CADPS2: variants seen among roughly 807,000 people sequenced by gnomAD.
CADPS2 encodes calcium dependent secretion activator 2, also known as calcium-dependent secretion activator 2.
Under a neutral mutation model 172.5 loss-of-function variants are expected in CADPS2, and 93 were observed. The ratio of observed to expected loss-of-function variants is 0.54; its 90% CI spans 0.46 to 0.64. The LOEUF is 0.64. CADPS2 is among the 30% of genes least tolerant of loss of function. The pLI is 0.00. For missense variants in CADPS2, 1,420 were observed against 1,565.9 expected (o/e 0.91, Z 1.57); for synonymous variants, 546 against 555.2 (o/e 0.98, Z 0.23).
intron 2 of CADPS2, chr7:122,681,447 G>A (rs1204760370): frequency 1.5e-5 from 23 of 1,531,612 alleles, no homozygotes; most frequent in Non-Finnish European, 2.1e-5. Context: ...TCGAAACATA[G>A]TGGAGGCCGT....
chr7:122,661,315 G>A (rs965170189), intron 3 of CADPS2, among the ~76,000 whole-genome samples: 4 of 152,176 alleles, frequency 2.6e-5, no homozygotes, highest in Non-Finnish European at 5.9e-5. Flanking sequence ...GATCTGAATT[G>A]CAAGTAGGTT....
intron 1 of CADPS2, among the ~76,000 whole-genome samples, chr7:122,823,653 T>C (rs1804034934): frequency 6.6e-6 from 1 of 152,192 alleles, no homozygotes; most frequent in African/African-American, 2.4e-5. Context: ...TAATTAACTA[T>C]GAATGGAGAA....
chr7:122,503,659 G>GT (rs1586691477), intron 9 of CADPS2, among the ~76,000 whole-genome samples: 2 of 152,106 alleles, frequency 1.3e-5, no homozygotes, highest in African/African-American at 4.8e-5. Context: ...AGTTTCTTGT[G>GT]TATTTATAAC....
chr7:122,492,847 C>A (rs1415632713), intron 9 of CADPS2, among the ~76,000 whole-genome samples: 1 of 152,116 alleles, frequency 6.6e-6, no homozygotes, highest in Non-Finnish European at 1.5e-5. Flanking sequence ...ACAGGCACAT[C>A]TACCATGCCC....
intron 3 of CADPS2, among the ~76,000 whole-genome samples, chr7:122,657,461 G>C (rs929244274): frequency 6.6e-6 from 1 of 152,144 alleles, no homozygotes; most frequent in Non-Finnish European, 1.5e-5. Flanking sequence ...TCTTCCATTT[G>C]TTTGTGTCCT....
chr7:122,885,676 T>A (rs905236387), intron 1 of CADPS2, among the ~76,000 whole-genome samples: 2 of 152,130 alleles, frequency 1.3e-5, no homozygotes, highest in Admixed American at 1.3e-4. Context: ...TTAAAGTTGA[T>A]GGGAGTTGCA....
At chr7:122,328,277 CCATTTT>C (rs1479222014) in intron 28 of CADPS2, among the ~76,000 whole-genome samples, 1 of 152,056 alleles carries the variant, frequency 6.6e-6, no homozygotes, top group East Asian at 1.9e-4. Flanking sequence ...ATGGTAGGTC[CCATTTT>C]CTCACACTGA....
At chr7:122,762,289 G>A (rs191237085) in intron 1 of CADPS2, among the ~76,000 whole-genome samples, 1 of 152,044 alleles carries the variant, frequency 6.6e-6, no homozygotes, top group Admixed American at 6.6e-5. Flanking sequence ...AGATTCAGTG[G>A]AATTCCAGAA....
At chr7:122,679,686 G>A (rs375610541) in intron 2 of CADPS2, among the ~76,000 whole-genome samples, 2 of 152,012 alleles carry the variant, frequency 1.3e-5, no homozygotes, top group African/African-American at 2.4e-5. Flanking sequence ...GGAACCTGCC[G>A]ACATATTATG....
At chr7:122,394,768 G>A (rs1162863294) in intron 20 of CADPS2, among the ~76,000 whole-genome samples, 1 of 152,146 alleles carries the variant, frequency 6.6e-6, no homozygotes, top group Admixed American at 6.5e-5. Context: ...CTTAGTGGGT[G>A]TGATGGGAAG....
chr7:122,805,400 C>T (rs755796691), intron 1 of CADPS2, among the ~76,000 whole-genome samples: 3 of 152,224 alleles, frequency 2.0e-5, no homozygotes, highest in Non-Finnish European at 1.5e-5. Flanking sequence ...CCTAGTGATC[C>T]GCCTGCCTTG....
rs147459527 is a variant in CADPS2 at position 122,808,480 on chromosome 7, T to C, written c.340-71412A>G. Among the ~76,000 whole-genome samples, 1,140 of 152,330 alleles carry C rather than the reference T, an allele frequency of 7.5e-3. 3 individuals carry two copies. The highest frequency in any genetic ancestry group is 0.011 in the Non-Finnish European group (762 of 68,028). ...TTAATACACAAGATAACAGTTTCAT[T>C]ACCTTCTGCTGGAGTGATAAAACAT... On this transcript the variant is annotated intron_variant, in intron 1 of 29. Transcript: ENST00000449022.
intron 8 of CADPS2, among the ~76,000 whole-genome samples, chr7:122,518,053 C>A (rs1041943401): frequency 6.6e-5 from 10 of 151,772 alleles, no homozygotes; most frequent in African/African-American, 2.4e-4. Context: ...GAAAAATATA[C>A]AAAAGTTACA....
chr7:122,506,811 T>C (rs2059645650), intron 9 of CADPS2, among the ~76,000 whole-genome samples: 1 of 151,962 alleles, frequency 6.6e-6, no homozygotes. Flanking sequence ...CCAGATAGAT[T>C]GGACAGGAAT....
intron 1 of CADPS2, among the ~76,000 whole-genome samples, chr7:122,880,289 C>T (rs17611963): frequency 0.047 from 7,136 of 152,236 alleles, 284 homozygotes; most frequent in Non-Finnish European, 0.054. Flanking sequence ...GATTTATCTA[C>T]AGTTGTACAA....
chr7:122,629,275 C>T lies in CADPS2; in HGVS notation c.840G>A (p.Arg280=). The T allele has an allele frequency of 6.2e-7, 1 of 1,609,560 alleles. No individual in the cohort carries two copies. The highest frequency in any genetic ancestry group is 8.5e-7 in the Non-Finnish European group (1 of 1,177,756). ...TTGCCATTTTATCTGCCAATTGCAG[C>T]CGGCCATCAAGTTCCCTTCTGATCT... ...AAQIRRELDG[R]LQLADKMAKE... is the part of the protein sequence containing the mutation. Residue 280 remains arginine (R), a synonymous_variant, in exon 4 of 30, where the codon CGG becomes CGA. Coordinates refer to ENST00000449022, the MANE Select transcript of CADPS2 (RefSeq NM_017954.11).
chr7:122,345,728 A>G lies in CADPS2; in HGVS notation c.3505-47T>C, dbSNP rs17144272. ...GGGAACAAAATAATATCAGGTCTCA[A>G]TTGTGAAATTATTATTTAATCATAC... On this transcript the variant is annotated intron_variant, in intron 27 of 29. Transcript: ENST00000449022. 1.1e-3 allele frequency: 1,277 copies of G among 1,156,656 alleles called. 15 individuals carry two copies. The African/African-American group carries it at 0.017, about 16-fold the overall frequency. The allele number at this position is 1,156,656 out of a possible 1,614,324, so 71.6% of individuals were successfully genotyped here.
intron 13 of CADPS2, among the ~76,000 whole-genome samples, 158 bp from the exon 14 acceptor site, chr7:122,471,720 A>C (rs564583224): frequency 6.6e-6 from 1 of 152,294 alleles, no homozygotes; most frequent in Admixed American, 6.5e-5. Flanking sequence ...TAATGTCATC[A>C]ATTTTGAAAC....
rs150762734 is a variant in CADPS2 at position 122,408,107 on chromosome 7, C to T, written c.2590-411G>A. 5.1e-4 allele frequency among the ~76,000 whole-genome samples: 77 copies of T among 150,998 alleles called. No homozygotes were observed. In the East Asian group the frequency reaches 9.7e-3, roughly 19 times the overall value. ...AGAAACATTAAAACATTTGGTATTA[C>T]ACTTTATAAGATTTTCCTGTGATTT... On this transcript the variant is annotated intron_variant, in intron 19 of 29. Transcript: ENST00000449022.
Sources: allele counts gnomAD v4.1 joint callset (sites outside exome capture counted in the v4.1 genomes callset), GRCh38; gene constraint gnomAD v4.1.1; transcripts MANE v1.5; gene names NCBI Gene and HGNC (gene_info 2026-07-23, HGNC 2026-07-21).